Variants in TDP1 observed in about 807,000 individuals in gnomAD.
The protein encoded by TDP1 is tyrosyl-DNA phosphodiesterase 1.
TDP1 carries 64 observed loss-of-function variants against 81.5 expected under a neutral mutation model. The observed-to-expected ratio is 0.79, with a 90% confidence interval of 0.64 to 0.97. The LOEUF (loss-of-function observed/expected upper bound fraction) is 0.97. Ranked by LOEUF, TDP1 falls within the 50% of genes least tolerant of loss-of-function variation. The probability of loss-of-function intolerance (pLI) is 0.00; values close to 1 mark genes in which losing one functional copy is unlikely to be tolerated. For missense variants in TDP1, 723 were observed against 743.8 expected (o/e 0.97, Z 0.33); for synonymous variants, 256 against 264.3 (o/e 0.97, Z 0.30).
At chr14:90,024,853 A>T (rs956924281) in intron 15 of TDP1, among the ~76,000 whole-genome samples, 2 of 152,200 alleles carry the variant, frequency 1.3e-5, no homozygotes, top group African/African-American at 4.8e-5. Flanking sequence ...CCTGTTCAGT[A>T]CCAGCAAGAC....
intron 8 of TDP1, among the ~76,000 whole-genome samples, chr14:89,983,452 C>T (rs558388591): frequency 6.6e-6 from 1 of 152,310 alleles, no homozygotes; most frequent in Non-Finnish European, 1.5e-5. Context: ...GTTCTGGATG[C>T]CTTCTGCCCT....
rs188515157 is a variant in TDP1, at chr14:89,992,537, G to C, written c.1433+554G>C. Among the ~76,000 whole-genome samples the C allele has an allele frequency of 1.4e-4, 21 of 152,306 alleles. No individual in the cohort carries two copies. The East Asian group carries it at 4.0e-3, about 29-fold the overall frequency. On this transcript the variant is annotated intron_variant, in intron 13 of 16. Coordinates refer to ENST00000335725, the MANE Select transcript of TDP1 (RefSeq NM_018319.4). ...ATGCTTGTCTCAACAGGTGTTTGCT[G>C]TGCTGGTTAGCCAGAAATGAAAGCA...
At chr14:89,966,318 C>T (rs920501789) in intron 4 of TDP1, 128 bp downstream of exon 4, 4 of 728,460 alleles carry the variant, frequency 5.5e-6, no homozygotes, top group East Asian at 5.1e-5. Context: ...ATGGCACATA[C>T]CTGGAGGCTG....
At chr14:90,010,934 A>G (rs186132507) in intron 14 of TDP1, among the ~76,000 whole-genome samples, 3 of 152,312 alleles carry the variant, frequency 2.0e-5, no homozygotes, top group East Asian at 3.9e-4. Context: ...GGCTGGCTGT[A>G]TCCCCACCCA....
intron 3 of TDP1, 91 bp downstream of exon 3, chr14:89,963,764 G>C (rs778620931): frequency 1.2e-5 from 18 of 1,445,868 alleles, no homozygotes; most frequent in Non-Finnish European, 1.7e-5. Flanking sequence ...AATAGTTTCT[G>C]AGAACTCTTC....
rs59719042 is a variant in TDP1 at position 89,998,428 on chromosome 14, G to A, written c.1541+4945G>A. 4.6e-3 allele frequency among the ~76,000 whole-genome samples: 479 copies of A among 104,410 alleles called. 23 individuals carry two copies. Among genetic ancestry groups the A allele is most frequent in the African/African-American group, 0.019 (393 of 20,572 alleles). 68.5% of individuals were successfully genotyped at this position (104,410 alleles called of 152,430 possible). A position where few individuals can be genotyped will look rare whatever the true frequency, so the allele number is the denominator to read the frequency against. ...TATATATATATATATATATATGTAT[G>A]TATGTATGTATGTATATGTATATGT... On this transcript the variant is annotated intron_variant, in intron 14 of 16. Coordinates refer to ENST00000335725, the MANE Select transcript of TDP1 (RefSeq NM_018319.4).
At chr14:90,042,663 G>A (rs1474051760) in intron 16 of TDP1, among the ~76,000 whole-genome samples, 1 of 152,196 alleles carries the variant, frequency 6.6e-6, no homozygotes, top group Non-Finnish European at 1.5e-5. Context: ...TGGCAGGCAC[G>A]AGAGCACTTG....
intron 14 of TDP1, among the ~76,000 whole-genome samples, chr14:89,994,997 C>G (rs575688978): frequency 1.3e-5 from 2 of 152,310 alleles, no homozygotes; most frequent in South Asian, 4.1e-4. Context: ...TGTCAGTTTA[C>G]TCATTTAATA....
chr14:90,016,093 G>A (rs185201050), intron 14 of TDP1, among the ~76,000 whole-genome samples: 39 of 148,766 alleles, frequency 2.6e-4, no homozygotes, highest in Non-Finnish European at 4.4e-4. Context: ...TGCCCAGGCT[G>A]GAGTGCAATG....
At position 89,975,823 on chromosome 14, in the gene TDP1, C is replaced by T. The variant is rs916371888; in HGVS notation, c.791+8C>T. 2 of 1,610,466 alleles carry T rather than the reference C, an allele frequency of 1.2e-6. No individual in the cohort carries two copies. The highest frequency in any genetic ancestry group is 1.7e-6 in the Non-Finnish European group (2 of 1,176,848). On this transcript the variant is annotated splice_region_variant and intron_variant, in intron 7 of 16. Coordinates refer to ENST00000335725, the MANE Select transcript of TDP1 (RefSeq NM_018319.4). ...GTTTGGAACACACCACACGTAAGCA[C>T]TTTTTGTGAAATAGGGGAACCCCTC...
intron 14 of TDP1, among the ~76,000 whole-genome samples, chr14:90,015,140 A>T (rs1007581967): frequency 6.6e-6 from 1 of 152,122 alleles, no homozygotes; most frequent in Non-Finnish European, 1.5e-5. Context: ...GGATATAGGA[A>T]CCTAAAGCCC....
At chr14:89,994,652 A>G (rs559144439) in intron 14 of TDP1, among the ~76,000 whole-genome samples, 1 of 152,356 alleles carries the variant, frequency 6.6e-6, no homozygotes, top group East Asian at 1.9e-4. Context: ...GAGCCCTGCC[A>G]TGCATGTGAT....
At chr14:89,967,445 C>G in intron 5 of TDP1, 23 bp downstream of exon 5, 1 of 1,605,178 alleles carries the variant, frequency 6.2e-7, no homozygotes, top group African/African-American at 1.3e-5. Context: ...GGGTGACAGA[C>G]AACACTATAA....
chr14:90,021,266 C>T (rs1024495522), intron 15 of TDP1, among the ~76,000 whole-genome samples: 7 of 152,154 alleles, frequency 4.6e-5, no homozygotes, highest in African/African-American at 1.7e-4. Context: ...ATGTAACTAA[C>T]CTCTTTTAGT....
intron 15 of TDP1, chr14:90,023,082 C>T (rs752203732): frequency 6.6e-6 from 5 of 762,324 alleles, no homozygotes; most frequent in African/African-American, 5.1e-5. Context: ...TCTCTGGTAA[C>T]GCATGGATAA....
In TDP1 at chr14:89,963,503, A is replaced by G. The variant is rs1892580043; in HGVS notation, c.389A>G (p.His130Arg). ...GGCACTGCCCAAAGAACTGAAAATC[A>G]TGGCGCTCCCGCCTGCCACAGGCTC... ...NDGTAQRTEN[H>R]GAPACHRLKE... The change falls in exon 3 of 17, where the codon CAT (histidine) becomes CGT (arginine). Residue 130 changes from histidine (H) to arginine (R), a missense_variant. Physicochemically the swap from His to Arg is conservative, Grantham distance 29 (BLOSUM62 0). Coordinates refer to ENST00000335725, the MANE Select transcript of TDP1 (RefSeq NM_018319.4). 6.2e-7 allele frequency: 1 copy of G among 1,603,268 alleles called. No individual in the cohort carries two copies. The highest frequency in any genetic ancestry group is 8.5e-7 in the Non-Finnish European group (1 of 1,174,424).
intron 16 of TDP1, among the ~76,000 whole-genome samples, chr14:90,039,737 G>A (rs919120791): frequency 1.3e-5 from 2 of 151,754 alleles, no homozygotes; most frequent in African/African-American, 4.8e-5. Flanking sequence ...CTTATCCTCT[G>A]TGAGTTGAGG....
At position 89,993,476 on chromosome 14, in the gene TDP1, G is replaced by T; in HGVS notation, c.1534G>T (p.Val512Phe). 8.7e-6 allele frequency: 14 copies of T among 1,613,200 alleles called. No individual in the cohort carries two copies. Among genetic ancestry groups the T allele is most frequent in the Non-Finnish European group, 1.2e-5 (14 of 1,179,360 alleles). The change falls in exon 14 of 17, where the codon GTC becomes TTC. Residue 512 changes from valine to phenylalanine, a missense_variant. Physicochemically the swap from Val to Phe is conservative, Grantham distance 50. Transcript: ENST00000335725. The part of the protein sequence containing the change: ...PDFSKIAWFL[V>F]TSANLSKAAW... ...CTTCAGTAAAATTGCTTGGTTCCTT[G>T]TCACAAGGTAAATAGTCCTTACATT... is the stretch of plus-strand genomic sequence containing the variant.
At chr14:90,038,641 C>G (rs1252519668) in intron 16 of TDP1, among the ~76,000 whole-genome samples, 1 of 152,090 alleles carries the variant, frequency 6.6e-6, no homozygotes, top group Non-Finnish European at 1.5e-5. Flanking sequence ...AATTCAAGAC[C>G]AGCTTGGCCA....
Sources: allele counts gnomAD v4.1 joint callset (sites outside exome capture counted in the v4.1 genomes callset), GRCh38; gene constraint gnomAD v4.1.1; transcripts MANE v1.5; gene names NCBI Gene and HGNC (gene_info 2026-07-23, HGNC 2026-07-21).